Variants in DSCAML1 observed in about 807,000 individuals in gnomAD.
DSCAML1 encodes the protein DS cell adhesion molecule like 1.
Under a neutral mutation model 200.5 loss-of-function variants are expected in DSCAML1, and 38 were observed. That is an observed-to-expected ratio of 0.19 (90% CI 0.15 to 0.25). The LOEUF (loss-of-function observed/expected upper bound fraction) is 0.25, where lower values mean the gene tolerates loss of function less well. Ranked by LOEUF, DSCAML1 falls within the 10% of genes least tolerant of loss-of-function variation. The pLI is 1.00. For synonymous variants in DSCAML1, 1,215 were observed against 1,165.0 expected (o/e 1.04, Z -0.87); for missense variants, 2,223 against 2,858.8 (o/e 0.78, Z 5.07).
intron 26 of DSCAML1, among the ~76,000 whole-genome samples, chr11:117,436,514 A>ATG (rs34000595): frequency 0.23 from 34,026 of 149,210 alleles, 4,142 homozygotes; most frequent in South Asian, 0.35. Flanking sequence ...CCTTCAATGG[A>ATG]TGTGTGTGTG....
At chr11:117,808,255 G>C (rs533525907) in intron 1 of DSCAML1, among the ~76,000 whole-genome samples, 40 of 152,304 alleles carry the variant, frequency 2.6e-4, no homozygotes, top group African/African-American at 8.4e-4. Flanking sequence ...AAATGACAGA[G>C]CCATTAAGTG....
At chr11:117,691,035 T>A (rs1198136623) in intron 3 of DSCAML1, among the ~76,000 whole-genome samples, 1 of 152,180 alleles carries the variant, frequency 6.6e-6, no homozygotes, top group Non-Finnish European at 1.5e-5. Context: ...GGACAGGATC[T>A]CTGTCCCCCA....
intron 3 of DSCAML1, among the ~76,000 whole-genome samples, chr11:117,581,565 A>G (rs1393068562): frequency 2.0e-5 from 3 of 152,194 alleles, no homozygotes; most frequent in Non-Finnish European, 2.9e-5. Context: ...TAGCCATTCA[A>G]GTCTGGCTTC....
intron 8 of DSCAML1, among the ~76,000 whole-genome samples, chr11:117,512,263 G>A (rs2049637470): frequency 6.6e-6 from 1 of 152,218 alleles, no homozygotes; most frequent in Non-Finnish European, 1.5e-5. Flanking sequence ...GGGGTCTGGA[G>A]AGCTGCCCCC....
rs578007610 is a variant in DSCAML1 at position 117,499,616 on chromosome 11, G to C, written c.2359+4229C>G. On this transcript the variant is annotated intron_variant, in intron 11 of 32. Transcript: ENST00000651296. The stretch of plus-strand genomic sequence containing the variant: ...TGATCTAATCTCTGACGTTCTGAGA[G>C]GGAGCTATTGCCTACCAACCTCACA... Among the ~76,000 whole-genome samples, 34 of 152,328 alleles carry C rather than the reference G, an allele frequency of 2.2e-4. 1 individual carries two copies. In the South Asian group the frequency reaches 6.0e-3, roughly 27 times the overall value.
chr11:117,445,830 G>A (rs17120765), intron 20 of DSCAML1, among the ~76,000 whole-genome samples: 27,573 of 152,110 alleles, frequency 0.18, 3,461 homozygotes, highest in East Asian at 0.46. Context: ...GATACTGGGC[G>A]CTTTCCTTTT....
intron 3 of DSCAML1, among the ~76,000 whole-genome samples, chr11:117,689,185 A>T (rs916541297): frequency 3.3e-5 from 5 of 152,242 alleles, no homozygotes; most frequent in Non-Finnish European, 7.3e-5. Context: ...GTAGACAGAG[A>T]CAAAGTGGTT....
chr11:117,540,438 C>T (rs1342426791), intron 3 of DSCAML1, among the ~76,000 whole-genome samples: 1 of 152,280 alleles, frequency 6.6e-6, no homozygotes, highest in East Asian at 1.9e-4. Flanking sequence ...TCCATGAAAC[C>T]AGTGGGGGAC....
intron 3 of DSCAML1, among the ~76,000 whole-genome samples, chr11:117,638,187 AGT>A (rs2137587180): frequency 6.6e-6 from 1 of 152,284 alleles, no homozygotes; most frequent in African/African-American, 2.4e-5. Flanking sequence ...GGTTCCACAG[AGT>A]GTGACCAACC....
At chr11:117,733,637 T>G (rs2054264069) in intron 3 of DSCAML1, among the ~76,000 whole-genome samples, 1 of 152,216 alleles carries the variant, frequency 6.6e-6, no homozygotes, top group African/African-American at 2.4e-5. Context: ...TTGAGGGTAT[T>G]GGAAGAGAGC....
At chr11:117,509,709 G>A (rs535716389) in intron 8 of DSCAML1, among the ~76,000 whole-genome samples, 1 of 152,296 alleles carries the variant, frequency 6.6e-6, no homozygotes, top group Non-Finnish European at 1.5e-5. Context: ...CTGTCCAAAT[G>A]GGGCTTGCCT....
intron 26 of DSCAML1, among the ~76,000 whole-genome samples, chr11:117,436,073 C>T (rs1163234152): frequency 6.6e-6 from 1 of 152,168 alleles, no homozygotes. Context: ...GTTAGTCTCT[C>T]GCCTGTTGAA....
rs368234641 is a variant in DSCAML1, at chr11:117,634,095, G to A, written c.512-101573C>T. Among the ~76,000 whole-genome samples the A allele has an allele frequency of 5.9e-5, 9 of 152,180 alleles. 1 individual carries two copies. Among genetic ancestry groups the A allele is most frequent in the East Asian group, 5.8e-4 (3 of 5,194 alleles). On this transcript the variant is annotated intron_variant, in intron 3 of 32. Coordinates refer to ENST00000651296, the MANE Select transcript of DSCAML1 (RefSeq NM_020693.4). ...GGAAATCACAGTCTAGCAGGCAAGC[G>A]GCAAGTATCCAGAGGCTCCCGACCC...
In DSCAML1 at chr11:117,461,302, C is replaced by A. The variant is rs568175664; in HGVS notation, c.3412+148G>T. On this transcript the variant is annotated intron_variant, in intron 18 of 32. Coordinates refer to ENST00000651296, the MANE Select transcript of DSCAML1 (RefSeq NM_020693.4). ...CCGGCCCCTATAGCCATTATCGCCCCCCGTGGTCTCCCCGTGTGGAGAAGA... is the reference window on the plus strand; with the variant it reads ...CCGGCCCCTATAGCCATTATCGCCCACCGTGGTCTCCCCGTGTGGAGAAGA... 47 of 1,141,034 alleles carry A rather than the reference C, an allele frequency of 4.1e-5. No homozygotes were observed. The African/African-American group carries it at 5.1e-4, about 12-fold the overall frequency. The allele number at this position is 1,141,034 out of a possible 1,614,324, so 70.7% of individuals were successfully genotyped here.
At chr11:117,792,208 C>T (rs764348069) in intron 1 of DSCAML1, among the ~76,000 whole-genome samples, 6 of 152,204 alleles carry the variant, frequency 3.9e-5, no homozygotes, top group Non-Finnish European at 7.3e-5. Flanking sequence ...TCTTGGAAAC[C>T]TCTGTGGGCT....
chr11:117,428,427 C>A lies in DSCAML1; in HGVS notation c.6063G>T (p.Gly2021=), dbSNP rs151330891. ...TCTCGAGAAGCGAGTCCCTGGAGCC[C>A]CCCATTTTGGTGTGTGGGCCCCCGG... is the stretch of plus-strand genomic sequence containing the variant. ...PRAGGPHTKM[G]GSRDSLLEMS... is the part of the protein sequence containing the mutation. Residue 2021 remains glycine, a synonymous_variant, in exon 33 of 33, where the codon GGG becomes GGT. Transcript: ENST00000651296. 6 of 1,551,758 alleles carry A rather than the reference C, an allele frequency of 3.9e-6. No individual in the cohort carries two copies. Among genetic ancestry groups the A allele is most frequent in the Non-Finnish European group, 5.2e-6 (6 of 1,152,844 alleles).
At chr11:117,681,841 T>C (rs1237232822) in intron 3 of DSCAML1, among the ~76,000 whole-genome samples, 7 of 152,078 alleles carry the variant, frequency 4.6e-5, no homozygotes. Context: ...CCACATCAAA[T>C]CCTCCAGCCC....
chr11:117,578,254 A>AT, intron 3 of DSCAML1, among the ~76,000 whole-genome samples: 1 of 150,550 alleles, frequency 6.6e-6, no homozygotes, highest in East Asian at 2.0e-4. Flanking sequence ...AAAAAAAAAA[A>AT]AAGAAGAAAA....
chr11:117,431,423 G>A (rs990901852), intron 31 of DSCAML1, 111 bp downstream of exon 31: 6 of 1,040,402 alleles, frequency 5.8e-6, no homozygotes, highest in East Asian at 5.3e-5. Flanking sequence ...ACTGACTTGT[G>A]CCTTGGGCCC....
Sources: gnomAD v4.1 joint callset for allele counts (sites outside exome capture counted in the v4.1 genomes callset) on GRCh38, gnomAD v4.1.1 for gene constraint, MANE v1.5 for transcripts, NCBI Gene and HGNC (gene_info 2026-07-23, HGNC 2026-07-21) for gene names.